Variants in SOX6 observed in about 807,000 individuals in gnomAD.
SOX6 encodes the protein transcription factor SOX-6.
A neutral mutation model predicts 97.8 loss-of-function variants in SOX6; 11 were observed. The observed-to-expected ratio is 0.11, with a 90% confidence interval of 0.07 to 0.19. SOX6 has a LOEUF of 0.19. Among genes scored for constraint, SOX6 ranks in the 10% least tolerant of loss-of-function variants. The pLI is 1.00. For missense variants in SOX6, 810 were observed against 1,039.5 expected, an observed-to-expected ratio of 0.78 and a Z score of 3.04; for synonymous variants, 360 against 371.4, an observed-to-expected ratio of 0.97 and a Z score of 0.35.
At chr11:16,064,279 T>G (rs1848037639) in intron 9 of SOX6, among the ~76,000 whole-genome samples, 1 of 151,584 alleles carries the variant, frequency 6.6e-6, no homozygotes, top group Non-Finnish European at 1.5e-5. Context: ...GGGCTTTAAA[T>G]TGGGACCAGT....
chr11:16,641,380 A>G (rs890321089), intron 3 of SOX6, among the ~76,000 whole-genome samples: 11 of 151,540 alleles, frequency 7.3e-5, no homozygotes, highest in Admixed American at 2.0e-4. Context: ...AAGAATGTAT[A>G]TGTTGATTTG....
chr11:16,500,224 A>C (rs759592764), intron 4 of SOX6, among the ~76,000 whole-genome samples: 2 of 152,226 alleles, frequency 1.3e-5, no homozygotes, highest in Admixed American at 6.5e-5. Context: ...TGATTACCTC[A>C]ATAGATGCAG....
intron 3 of SOX6, among the ~76,000 whole-genome samples, chr11:16,708,517 A>G (rs1848153820): frequency 6.6e-6 from 1 of 152,242 alleles, no homozygotes; most frequent in African/African-American, 2.4e-5. Flanking sequence ...TCTCATTTCC[A>G]GATAATATAT....
intron 6 of SOX6, among the ~76,000 whole-genome samples, chr11:16,156,960 T>A (rs898697196): frequency 6.6e-6 from 1 of 152,048 alleles, no homozygotes; most frequent in African/African-American, 2.4e-5. Context: ...TCCCAAACTT[T>A]GTCCATTTTG....
intron 13 of SOX6, among the ~76,000 whole-genome samples, chr11:15,992,090 C>T (rs1204497770): frequency 4.6e-5 from 7 of 152,118 alleles, no homozygotes; most frequent in Admixed American, 4.6e-4. Flanking sequence ...TTGCAAAATT[C>T]GAGCACAGTG....
intron 3 of SOX6, among the ~76,000 whole-genome samples, chr11:16,672,204 A>T (rs1465844216): frequency 6.6e-6 from 1 of 152,190 alleles, no homozygotes; most frequent in Non-Finnish European, 1.5e-5. Context: ...ACACTTAAAT[A>T]CACAGACCAG....
At chr11:16,598,824 C>A (rs1848239030) in intron 4 of SOX6, among the ~76,000 whole-genome samples, 1 of 151,964 alleles carries the variant, frequency 6.6e-6, no homozygotes, top group Non-Finnish European at 1.5e-5. Flanking sequence ...TCCCTTTTTA[C>A]ATGTGAATGG....
chr11:16,161,935 C>T (rs58545561), intron 6 of SOX6, among the ~76,000 whole-genome samples: 1 of 152,162 alleles, frequency 6.6e-6, no homozygotes, highest in Non-Finnish European at 1.5e-5. Flanking sequence ...CTTCCTGGAA[C>T]TATGAAAATA....
At chr11:16,269,949 G>C (rs903526653) in intron 3 of SOX6, 3 of 151,076 alleles carry the variant, frequency 2.0e-5, no homozygotes, top group Non-Finnish European at 4.5e-5. Flanking sequence ...AATACCTTCA[G>C]AAAAATGTTG....
chr11:16,641,906 AC>A (rs1848921663), intron 3 of SOX6, among the ~76,000 whole-genome samples: 6 of 152,194 alleles, frequency 3.9e-5, no homozygotes, highest in Admixed American at 3.3e-4. Context: ...GCCCATTTAC[AC>A]TTAAGGTTAA....
At chr11:16,734,744 AAAC>A (rs1281736607) in intron 2 of SOX6, among the ~76,000 whole-genome samples, 1 of 152,210 alleles carries the variant, frequency 6.6e-6, no homozygotes, top group Admixed American at 6.5e-5. Flanking sequence ...TCATATATTA[AAAC>A]AACAAATATC....
rs1848386485 is a variant in SOX6 at position 16,610,716 on chromosome 11, C to T, written n.609+1365G>A. Among the ~76,000 whole-genome samples, 2 of 152,188 alleles carry T rather than the reference C, an allele frequency of 1.3e-5. No homozygotes were observed. The highest frequency in any genetic ancestry group is 2.9e-5 in the Non-Finnish European group (2 of 68,036). ...CACTTCTGGCTGTGTAAGAGTGACA[C>T]GTGGCCCTGGGGGCGGGGGTGCCAT... is the stretch of plus-strand genomic sequence containing the variant. On this transcript the variant is annotated intron_variant and non_coding_transcript_variant, in intron 4 of 5. Coordinates refer to the SOX6 transcript ENST00000524520. The surrounding 1 kb of genome is among the most constrained non-coding windows in gnomAD (Gnocchi z 4.4).
intron 3 of SOX6, among the ~76,000 whole-genome samples, chr11:16,701,645 C>T (rs1023305439): frequency 6.6e-6 from 1 of 151,852 alleles, no homozygotes; most frequent in Non-Finnish European, 1.5e-5. Context: ...ATCACAAGGT[C>T]AGGAGATGAG....
At chr11:16,347,847 T>C (rs1165858696) in intron 1 of SOX6, among the ~76,000 whole-genome samples, 2 of 152,114 alleles carry the variant, frequency 1.3e-5, no homozygotes, top group African/African-American at 2.4e-5. Flanking sequence ...TGTTTCAAAA[T>C]ATGAAAATTC....
At chr11:16,310,137 C>T (rs1033891692) in intron 3 of SOX6, among the ~76,000 whole-genome samples, 2 of 152,020 alleles carry the variant, frequency 1.3e-5, no homozygotes, top group East Asian at 1.9e-4. Flanking sequence ...GGCAGAGACA[C>T]ACAAATTGAA....
At chr11:16,164,714 T>C (rs959701128) in intron 6 of SOX6, among the ~76,000 whole-genome samples, 3 of 151,838 alleles carry the variant, frequency 2.0e-5, no homozygotes, top group African/African-American at 7.3e-5. Flanking sequence ...TCCCAGCTAC[T>C]TGGGAGGCTA....
At chr11:16,524,210 A>T (rs1229626224) in intron 4 of SOX6, among the ~76,000 whole-genome samples, 3 of 152,100 alleles carry the variant, frequency 2.0e-5, no homozygotes, top group African/African-American at 4.8e-5. Flanking sequence ...CTTGATGAAC[A>T]TTGATGCAAA....
intron 15 of SOX6, among the ~76,000 whole-genome samples, chr11:15,976,075 G>T (rs568014523): frequency 6.6e-6 from 1 of 152,278 alleles, no homozygotes; most frequent in Non-Finnish European, 1.5e-5. Flanking sequence ...GCCAGTGAGG[G>T]TAAAAACCCA....
At position 16,111,813 on chromosome 11, in the gene SOX6, T is replaced by C; in HGVS notation, c.888A>G (p.Thr296=). 2 of 1,613,184 alleles carry C rather than the reference T, an allele frequency of 1.2e-6. No individual in the cohort carries two copies. The highest frequency in any genetic ancestry group is 1.7e-6 in the Non-Finnish European group (2 of 1,179,912). ...QQGFLFPPGI[T]YKPGDNYPVQ... is the part of the protein sequence containing the mutation. ...TCCCTCTCTACTTACCTGGTTTGTA[T>C]GTTATTCCAGGGGGGAAGAGGAATC... The change falls in exon 7 of 16, where the codon ACA becomes ACG. Residue 296 remains threonine (T), a synonymous_variant. Coordinates refer to ENST00000683767, the MANE Select transcript of SOX6 (RefSeq NM_001367873.1).
Sources: allele counts gnomAD v4.1 joint callset (sites outside exome capture counted in the v4.1 genomes callset), GRCh38; gene constraint gnomAD v4.1.1; non-coding constraint Gnocchi (gnomAD v3.1); transcripts MANE v1.5; gene names NCBI Gene and HGNC (gene_info 2026-07-23, HGNC 2026-07-21).